Variants in ARHGAP6 observed in about 807,000 individuals in gnomAD.
ARHGAP6 encodes the protein rho GTPase-activating protein 6.
ARHGAP6 carries 16 observed loss-of-function variants against 55.7 expected under a neutral mutation model. The observed-to-expected ratio is 0.29, with a 90% CI of 0.19 to 0.44. ARHGAP6 has a LOEUF of 0.44. Ranked by LOEUF, ARHGAP6 falls within the 20% of genes least tolerant of loss-of-function variation. The pLI, the probability that ARHGAP6 is intolerant of heterozygous loss-of-function variation, is 1.00. For synonymous variants in ARHGAP6, 382 were observed against 360.9 expected (o/e 1.06, Z -0.66); for missense variants, 698 against 808.9 (o/e 0.86, Z 1.66).
At chrX:11,155,116 T>C (rs991686467) in intron 10 of ARHGAP6, among the ~76,000 whole-genome samples, 1 of 110,213 alleles carries the variant, frequency 9.1e-6, no homozygotes, top group Admixed American at 9.7e-5. Flanking sequence ...AAGAAGGAGG[T>C]TGAACAACAT....
chrX:11,501,836 T>C (rs1401130150), intron 1 of ARHGAP6, among the ~76,000 whole-genome samples: 1 of 111,107 alleles, frequency 9.0e-6, no homozygotes, highest in African/African-American at 3.3e-5. Flanking sequence ...GTTGAGTAGG[T>C]AGAGAAGGAG....
intron 1 of ARHGAP6, among the ~76,000 whole-genome samples, chrX:11,366,209 T>G (rs2049075943): frequency 8.9e-6 from 1 of 112,045 alleles, no homozygotes; most frequent in Non-Finnish European, 1.9e-5. Context: ...TTCTTAAGAA[T>G]GTGTGAAGGT....
rs1167186645 is a variant in ARHGAP6, at chrX:11,156,528, C to T, written c.1907+1G>A. ...AGAAGATGGAACACTGGAATACTCA[C>T]GATGATTGGGAAGCCTTTCTTCTGA... On this transcript the variant is annotated splice_donor_variant, in intron 10 of 12. Coordinates refer to ENST00000337414, the MANE Select transcript of ARHGAP6 (RefSeq NM_013427.3). LOFTEE classifies it high-confidence loss of function. The T allele has an allele frequency of 5.0e-6, 6 of 1,197,592 alleles. No homozygotes were observed. Among genetic ancestry groups the T allele is most frequent in the African/African-American group, 3.5e-5 (2 of 56,887 alleles).
intron 1 of ARHGAP6, among the ~76,000 whole-genome samples, chrX:11,439,121 AC>A (rs894883814): frequency 1.8e-5 from 2 of 112,477 alleles, no homozygotes; most frequent in African/African-American, 6.5e-5. Flanking sequence ...GTGGGGGAAA[AC>A]ATCATTATTT....
At chrX:11,660,753 C>T (rs987365217) in intron 1 of ARHGAP6, among the ~76,000 whole-genome samples, 1 of 109,675 alleles carries the variant, frequency 9.1e-6, no homozygotes, top group African/African-American at 3.3e-5. Context: ...AACACCTCTG[C>T]GCCTTTGCCT....
chrX:11,281,881 T>A (rs1037378607), intron 1 of ARHGAP6, among the ~76,000 whole-genome samples: 18 of 112,022 alleles, frequency 1.6e-4, no homozygotes, highest in African/African-American at 5.5e-4. Flanking sequence ...TTGAGATTGT[T>A]ATTATTTCAT....
At chrX:11,142,050 T>C (rs2045627932) in intron 12 of ARHGAP6, among the ~76,000 whole-genome samples, 183 bp downstream of exon 12, 1 of 111,727 alleles carries the variant, frequency 9.0e-6, no homozygotes, top group Non-Finnish European at 1.9e-5. Context: ...GCAAAGGAAA[T>C]GGAAAAAAAT....
intron 1 of ARHGAP6, among the ~76,000 whole-genome samples, chrX:11,312,805 T>A (rs181037130): frequency 1.4e-4 from 16 of 111,539 alleles, no homozygotes; most frequent in Admixed American, 1.2e-3. Context: ...ACTTTTAATC[T>A]ATTACCAACT....
chrX:11,370,713 T>C (rs913784818), intron 1 of ARHGAP6, among the ~76,000 whole-genome samples: 18 of 111,862 alleles, frequency 1.6e-4, no homozygotes, highest in African/African-American at 5.9e-4. Flanking sequence ...GTACACTTGC[T>C]TAGACCATAG....
intron 10 of ARHGAP6, among the ~76,000 whole-genome samples, chrX:11,149,470 G>C (rs1479979447): frequency 9.1e-6 from 1 of 110,453 alleles, no homozygotes; most frequent in African/African-American, 3.3e-5. Context: ...TGTTGGGGGA[G>C]GGGGGCAGGG....
intron 2 of ARHGAP6, among the ~76,000 whole-genome samples, chrX:11,213,227 G>T (rs1205536087): frequency 8.9e-6 from 1 of 112,909 alleles, no homozygotes; most frequent in East Asian, 2.8e-4. Context: ...CCGTGGGTGG[G>T]GCCCAGGCTC....
At chrX:11,456,013 G>C (rs757506236) in intron 1 of ARHGAP6, among the ~76,000 whole-genome samples, 13 of 112,114 alleles carry the variant, frequency 1.2e-4, no homozygotes, top group Non-Finnish European at 1.7e-4. Flanking sequence ...CAAGAGTTCA[G>C]TAAGGTGGCT....
intron 1 of ARHGAP6, among the ~76,000 whole-genome samples, chrX:11,424,091 C>A (rs1270548694): frequency 1.8e-5 from 2 of 112,533 alleles, no homozygotes; most frequent in African/African-American, 6.5e-5. Flanking sequence ...GAAGGTCCAA[C>A]ATTTGGTTGT....
intron 12 of ARHGAP6, among the ~76,000 whole-genome samples, chrX:11,141,384 TA>T (rs59155526): frequency 0.21 from 22,680 of 110,533 alleles, 1,743 homozygotes; most frequent in Middle Eastern, 0.27. Flanking sequence ...AAAATGCAAG[TA>T]AGTAAACAAT....
rs146223311 is a variant in ARHGAP6, at chrX:11,496,293, A to G, written c.588+167948T>C. Among the ~76,000 whole-genome samples the G allele has an allele frequency of 9.2e-3, 1,034 of 112,810 alleles. 13 individuals carry two copies. Among genetic ancestry groups the G allele is most frequent in the African/African-American group, 0.031 (971 of 31,157 alleles). On this transcript the variant is annotated intron_variant, in intron 1 of 12. Coordinates refer to ENST00000337414, the MANE Select transcript of ARHGAP6 (RefSeq NM_013427.3). ...GCAACTTTCAATCATGTACTCTGTT[A>G]GTGCAGCCAAAAGTAGCCTAGCTGA...
At chrX:11,454,110 ATTTTTTT>A (rs1187605203) in intron 1 of ARHGAP6, among the ~76,000 whole-genome samples, 294 of 76,825 alleles carry the variant, frequency 3.8e-3, no homozygotes, top group African/African-American at 0.012. Context: ...CGCACGGCTA[ATTTTTTT>A]TTTTTTTTTT....
At chrX:11,279,139 A>T (rs1428029128) in intron 1 of ARHGAP6, among the ~76,000 whole-genome samples, 1 of 111,977 alleles carries the variant, frequency 8.9e-6, no homozygotes, top group Non-Finnish European at 1.9e-5. Context: ...GCTTAACATG[A>T]TGACTTGTTT....
chrX:11,327,303 C>T (rs1449193725), intron 1 of ARHGAP6, among the ~76,000 whole-genome samples: 2 of 112,219 alleles, frequency 1.8e-5, no homozygotes, highest in Admixed American at 9.4e-5. Flanking sequence ...TCACACATTT[C>T]GTTTTAAAGA....
intron 1 of ARHGAP6, among the ~76,000 whole-genome samples, chrX:11,470,560 A>G (rs752078551): frequency 1.8e-5 from 2 of 112,826 alleles, no homozygotes; most frequent in South Asian, 7.2e-4. Context: ...AGCTAATACT[A>G]TTGTCCTCAA....
Sources: allele counts gnomAD v4.1 joint callset (sites outside exome capture counted in the v4.1 genomes callset), GRCh38; gene constraint gnomAD v4.1.1; transcripts MANE v1.5; gene names NCBI Gene and HGNC (gene_info 2026-07-23, HGNC 2026-07-21).